LYPLA1: variants seen among roughly 807,000 people sequenced by gnomAD.
LYPLA1 encodes the protein lysophospholipase 1.
A neutral mutation model predicts 34.0 loss-of-function variants in LYPLA1; 17 were observed. That is an observed-to-expected ratio of 0.50 (90% CI 0.34 to 0.75). The LOEUF is 0.75. Among genes scored for constraint, LYPLA1 ranks in the 30% least tolerant of loss-of-function variants. The pLI, the probability that LYPLA1 is intolerant of heterozygous loss-of-function variation, is 0.01. For synonymous variants in LYPLA1, 98 were observed against 100.8 expected (o/e 0.97, Z 0.17); for missense variants, 203 against 288.8 (o/e 0.70, Z 2.15).
intron 3 of LYPLA1, among the ~76,000 whole-genome samples, chr8:54,064,659 A>G (rs1563592099): frequency 6.6e-6 from 1 of 152,128 alleles, no homozygotes; most frequent in Admixed American, 6.5e-5. Context: ...CTGGGGATGA[A>G]TTACTAACTG....
At chr8:54,074,079 T>G (rs1476694128) in intron 2 of LYPLA1, among the ~76,000 whole-genome samples, 1 of 152,094 alleles carries the variant, frequency 6.6e-6, no homozygotes, top group Non-Finnish European at 1.5e-5. Context: ...ATTGAGACCA[T>G]CCTGGCTAAC....
At chr8:54,089,642 T>A (rs1809074647) in intron 2 of LYPLA1, among the ~76,000 whole-genome samples, 2 of 151,730 alleles carry the variant, frequency 1.3e-5, no homozygotes, top group Non-Finnish European at 2.9e-5. Context: ...TTTTTTTTTT[T>A]GAGATAGGGT....
downstream of LYPLA1, among the ~76,000 whole-genome samples, chr8:54,044,504 G>T (rs1292814668): frequency 6.6e-6 from 1 of 152,072 alleles, no homozygotes; most frequent in African/African-American, 2.4e-5. Flanking sequence ...AAAAAGTTTT[G>T]AGGGATGATT....
chr8:54,099,935 C>T (rs972968270), intron 2 of LYPLA1, among the ~76,000 whole-genome samples: 10 of 152,224 alleles, frequency 6.6e-5, no homozygotes, highest in South Asian at 6.2e-4. Context: ...CTACCCACCT[C>T]GGCCTCCCAA....
chr8:54,065,868 G>T, intron 2 of LYPLA1, 55 bp from the exon 3 acceptor site: 1 of 1,120,458 alleles, frequency 8.9e-7, no homozygotes, highest in Non-Finnish European at 1.4e-6. Context: ...ATCCCAGTAA[G>T]TAAGTAGCAG....
intron 5 of LYPLA1, among the ~76,000 whole-genome samples, chr8:54,056,636 C>T (rs993585215): frequency 3.3e-5 from 5 of 152,060 alleles, no homozygotes; most frequent in African/African-American, 7.2e-5. Context: ...TGGGCCAGGC[C>T]GGGCACAGTG....
intron 2 of LYPLA1, among the ~76,000 whole-genome samples, chr8:54,082,867 C>G (rs903911544): frequency 3.3e-5 from 5 of 151,634 alleles, no homozygotes; most frequent in African/African-American, 7.3e-5. Context: ...GCTGGGACTA[C>G]AGGTACCCGC....
intron 2 of LYPLA1, among the ~76,000 whole-genome samples, chr8:54,069,428 CTT>C (rs1807305435): frequency 6.6e-6 from 1 of 151,960 alleles, no homozygotes; most frequent in South Asian, 2.1e-4. Context: ...TTAAAAAAAA[CTT>C]TGGCCAGGCA....
chr8:54,051,181 A>G lies in LYPLA1; in HGVS notation c.470T>C (p.Ile157Thr). The change falls in exon 8 of 9, where the codon ATC becomes ACC. Residue 157 changes from isoleucine to threonine, a missense_variant. Transcript: ENST00000316963. ...AGAAATATCTCTATTAGCACCACCG[A>G]TAGGACCCTGCAAAAAGCAAAAGAA... is the stretch of plus-strand genomic sequence containing the variant. ...PLRASFPQGPIGGANRDISIL... is the reference protein window; with the variant it reads ...PLRASFPQGPTGGANRDISIL... 6.3e-7 allele frequency: 1 copy of G among 1,597,912 alleles called. No individual in the cohort carries two copies. The highest frequency in any genetic ancestry group is 8.5e-7 in the Non-Finnish European group (1 of 1,172,070).
intron 5 of LYPLA1, among the ~76,000 whole-genome samples, chr8:54,060,982 A>C (rs1563581932): frequency 6.6e-6 from 1 of 151,880 alleles, no homozygotes; most frequent in Non-Finnish European, 1.5e-5. Context: ...GGCGTGAGCC[A>C]CCGCACTTGA....
intron 1 of LYPLA1, 72 bp from the exon 2 acceptor site, chr8:54,101,011 G>C: frequency 7.9e-7 from 1 of 1,267,884 alleles, no homozygotes; most frequent in East Asian, 2.3e-5. Flanking sequence ...CACTAGCTTT[G>C]CTTAAGGTGG....
intron 2 of LYPLA1, among the ~76,000 whole-genome samples, chr8:54,081,320 T>C (rs1437369655): frequency 6.6e-6 from 1 of 152,158 alleles, no homozygotes; most frequent in African/African-American, 2.4e-5. Flanking sequence ...TGTTTATGTC[T>C]TAACCACATA....
At chr8:54,079,988 T>C (rs573140699) in intron 2 of LYPLA1, among the ~76,000 whole-genome samples, 1 of 152,318 alleles carries the variant, frequency 6.6e-6, no homozygotes, top group East Asian at 1.9e-4. Flanking sequence ...GGATTTGTGC[T>C]GATGACCTCA....
intron 2 of LYPLA1, among the ~76,000 whole-genome samples, chr8:54,079,111 G>A (rs185881141): frequency 6.6e-6 from 1 of 151,938 alleles, no homozygotes; most frequent in Admixed American, 6.6e-5. Flanking sequence ...CTGAGTAGTT[G>A]GGATACAGGT....
chr8:54,079,063 C>T (rs536929506), intron 2 of LYPLA1, among the ~76,000 whole-genome samples: 58 of 152,108 alleles, frequency 3.8e-4, no homozygotes, highest in African/African-American at 1.3e-3. Context: ...CTGCAACCTC[C>T]GACTCCTGAG....
intron 2 of LYPLA1, among the ~76,000 whole-genome samples, chr8:54,079,177 A>G (rs1808126367): frequency 6.6e-6 from 1 of 151,920 alleles, no homozygotes; most frequent in Non-Finnish European, 1.5e-5. Flanking sequence ...ATGGGGATTC[A>G]CCATGTTGGC....
At chr8:54,062,184 G>T in intron 5 of LYPLA1, 70 bp downstream of exon 5, 1 of 1,091,422 alleles carries the variant, frequency 9.2e-7, no homozygotes, top group Non-Finnish European at 1.4e-6. Flanking sequence ...AACCAGTAGC[G>T]ATATGATTAC....
At chr8:54,101,468 T>C (rs1810144507) in intron 1 of LYPLA1, 3 of 1,106,340 alleles carry the variant, frequency 2.7e-6, no homozygotes, top group South Asian at 4.4e-5. Context: ...AGAAACACGC[T>C]GCAGAGGCTG....
chr8:54,053,432 A>G, intron 6 of LYPLA1: 3 of 333,136 alleles, frequency 9.0e-6, no homozygotes, highest in South Asian at 7.3e-5. Context: ...AATTTAAGAT[A>G]ATAATAACTA....
Sources: gnomAD v4.1 joint callset for allele counts (sites outside exome capture counted in the v4.1 genomes callset) on GRCh38, gnomAD v4.1.1 for gene constraint, MANE v1.5 for transcripts, NCBI Gene and HGNC (gene_info 2026-07-23, HGNC 2026-07-21) for gene names.